The following EML1 variants were observed in gnomAD, a reference collection of about 807,000 sequenced individuals.
EML1 encodes the protein echinoderm microtubule-associated protein-like 1.
Under a neutral mutation model 110.4 loss-of-function variants are expected in EML1, and 27 were observed. The observed-to-expected ratio is 0.24, with a 90% CI of 0.18 to 0.34. The LOEUF (loss-of-function observed/expected upper bound fraction) is 0.34. EML1 is among the 10% of genes least tolerant of loss of function. EML1 has a pLI of 1.00. For missense variants in EML1, 741 were observed against 1,030.9 expected, an observed-to-expected ratio of 0.72 and a Z score of 3.85; for synonymous variants, 344 against 385.8, an observed-to-expected ratio of 0.89 and a Z score of 1.27.
intron 13 of EML1, among the ~76,000 whole-genome samples, chr14:99,913,424 A>G (rs1297904623): frequency 1.3e-4 from 20 of 151,786 alleles, no homozygotes; most frequent in Non-Finnish European, 2.9e-5. Flanking sequence ...CAATCCACCT[A>G]CCTCGGCCCC....
chr14:99,766,100 G>C (rs764278966), intron 1 of EML1, among the ~76,000 whole-genome samples: 6 of 151,828 alleles, frequency 4.0e-5, no homozygotes, highest in Non-Finnish European at 7.4e-5. Flanking sequence ...TAGGAAAATG[G>C]GTGTGCAAAC....
intron 1 of EML1, among the ~76,000 whole-genome samples, chr14:99,818,470 G>A (rs2058206434): frequency 6.6e-6 from 1 of 152,200 alleles, no homozygotes; most frequent in African/African-American, 2.4e-5. Context: ...TATGGAATCA[G>A]TCAAAGATAC....
At chr14:99,867,665 G>T (rs1371430436) in intron 3 of EML1, among the ~76,000 whole-genome samples, 1 of 129,160 alleles carries the variant, frequency 7.7e-6, no homozygotes, top group Non-Finnish European at 1.6e-5. Flanking sequence ...TTTGTGTGTT[G>T]GTTTTGTACC....
chr14:99,797,865 C>T (rs2057803798), intron 1 of EML1, among the ~76,000 whole-genome samples: 1 of 152,202 alleles, frequency 6.6e-6, no homozygotes, highest in Non-Finnish European at 1.5e-5. Context: ...AGATACAGAG[C>T]TGGCATAGCT....
chr14:99,862,489 G>T (rs937076925), intron 2 of EML1, among the ~76,000 whole-genome samples: 2 of 152,150 alleles, frequency 1.3e-5, no homozygotes, highest in African/African-American at 4.8e-5. Context: ...GAATACAGCT[G>T]TATGGGGATT....
intron 4 of EML1, among the ~76,000 whole-genome samples, chr14:99,879,479 A>G (rs947304527): frequency 6.6e-6 from 1 of 152,186 alleles, no homozygotes; most frequent in Non-Finnish European, 1.5e-5. Flanking sequence ...AGGCTTAGTC[A>G]TAAAGCAATC....
At chr14:99,746,548 T>C (rs2057110648) in intron 1 of EML1, among the ~76,000 whole-genome samples, 1 of 152,052 alleles carries the variant, frequency 6.6e-6, no homozygotes, top group Admixed American at 6.5e-5. Flanking sequence ...GAGTCTTCCT[T>C]GTAGCAGAAG....
chr14:99,939,929 C>A lies in EML1; in HGVS notation c.2323-58C>A. The A allele has an allele frequency of 6.8e-7, 1 of 1,462,114 alleles. No individual in the cohort carries two copies. 90.6% of individuals were successfully genotyped at this position (1,462,114 alleles called of 1,614,324 possible). ...TGCAGTGAGAATTCAAGCACTTTCC[C>A]ATCCCAGATGGTTCGCCTTGTAGTA... On this transcript the variant is annotated intron_variant, in intron 21 of 21. Transcript: ENST00000262233. This position sits in a 1 kb window ranked among gnomAD's most constrained non-coding sequence, Gnocchi z 4.2.
intron 17 of EML1, among the ~76,000 whole-genome samples, chr14:99,923,329 T>A (rs1230512861): frequency 6.6e-6 from 1 of 152,226 alleles, no homozygotes; most frequent in African/African-American, 2.4e-5. Flanking sequence ...TTGTGGATCA[T>A]GCCTTTGGGG....
At chr14:99,910,072 G>GT (rs1356541255) in intron 11 of EML1, among the ~76,000 whole-genome samples, 170 bp from the exon 12 acceptor site, 1 of 152,150 alleles carries the variant, frequency 6.6e-6, no homozygotes, top group African/African-American at 2.4e-5. Flanking sequence ...CAGAAGTTAT[G>GT]TAATAGTAGA....
At chr14:99,847,414 G>T (rs1253057159) in intron 1 of EML1, among the ~76,000 whole-genome samples, 4 of 152,128 alleles carry the variant, frequency 2.6e-5, no homozygotes. Flanking sequence ...GCAGTGGCGT[G>T]ATCATAGTTC....
chr14:99,810,275 C>T (rs905188077), intron 1 of EML1, among the ~76,000 whole-genome samples: 2 of 152,122 alleles, frequency 1.3e-5, no homozygotes, highest in Non-Finnish European at 2.9e-5. Flanking sequence ...GTTGACTTTG[C>T]TAAATTCATG....
At chr14:99,824,217 C>A (rs1195356323) in intron 1 of EML1, among the ~76,000 whole-genome samples, 1 of 152,240 alleles carries the variant, frequency 6.6e-6, no homozygotes, top group Non-Finnish European at 1.5e-5. Context: ...GCCTCAGCCT[C>A]CCAAAGTGCT....
At chr14:99,826,616 A>T (rs1193178846) in intron 1 of EML1, among the ~76,000 whole-genome samples, 3 of 151,828 alleles carry the variant, frequency 2.0e-5, no homozygotes, top group Non-Finnish European at 4.4e-5. Flanking sequence ...CCCCTGCCCC[A>T]TTGTGAATGG....
Position 99,870,041 on chromosome 14 carries a change from C to T in EML1, c.383+4395C>T, listed in dbSNP as rs1344962999. Among the ~76,000 whole-genome samples the T allele has an allele frequency of 2.6e-5, 4 of 152,222 alleles. No homozygotes were observed. The South Asian group carries it at 6.2e-4, about 24-fold the overall frequency. ...TATAGCTGCACAAAACGGACTCATG[C>T]AGGCCTGTTGTTCCAAACAGTTAGC... On this transcript the variant is annotated intron_variant, in intron 3 of 21. Coordinates refer to ENST00000262233, the MANE Select transcript of EML1 (RefSeq NM_004434.3).
At chr14:99,928,938 G>A (rs1280745393) in intron 17 of EML1, among the ~76,000 whole-genome samples, 2 of 152,138 alleles carry the variant, frequency 1.3e-5, no homozygotes, top group South Asian at 2.1e-4. Context: ...AATTTAGCCA[G>A]TGTTCTGCAT....
At position 99,781,042 on chromosome 14, in the gene EML1, G is replaced by A. The variant is rs747425433; in HGVS notation, c.-27+7029G>A. 1.3e-5 allele frequency among the ~76,000 whole-genome samples: 2 copies of A among 152,054 alleles called. No individual in the cohort carries two copies. The highest frequency in any genetic ancestry group is 2.4e-5 in the African/African-American group (1 of 41,398). ...CCTCATCCTTTAACCTTCCTCTCCC[G>A]GGTGATGAAGCATCTCTCCTTCTTT... On this transcript the variant is annotated intron_variant, in intron 1 of 22. Coordinates refer to the EML1 transcript ENST00000327921. This position sits in a 1 kb window ranked among gnomAD's most constrained non-coding sequence, Gnocchi z 4.2.
intron 17 of EML1, among the ~76,000 whole-genome samples, chr14:99,934,292 G>A (rs2060428137): frequency 6.6e-6 from 1 of 152,256 alleles, no homozygotes; most frequent in Non-Finnish European, 1.5e-5. Context: ...GCCGATGACA[G>A]CCTGTCTCCG....
At chr14:99,925,985 C>T (rs1050764142) in intron 17 of EML1, among the ~76,000 whole-genome samples, 2 of 152,222 alleles carry the variant, frequency 1.3e-5, no homozygotes, top group African/African-American at 4.8e-5. Flanking sequence ...GCCGCGTGGT[C>T]CTCAGAGCCT....
Sources: gnomAD v4.1 joint callset for allele counts (sites outside exome capture counted in the v4.1 genomes callset) on GRCh38, gnomAD v4.1.1 for gene constraint, Gnocchi (gnomAD v3.1) non-coding constraint, MANE v1.5 for transcripts, NCBI Gene and HGNC (gene_info 2026-07-23, HGNC 2026-07-21) for gene names.